PRELID2: variants seen among roughly 807,000 people sequenced by gnomAD.
PRELID2 encodes the protein PRELI domain-containing protein 2.
Under a neutral mutation model 28.4 loss-of-function variants are expected in PRELID2, and 25 were observed. The ratio of observed to expected loss-of-function variants is 0.88; its 90% CI spans 0.64 to 1.23. The LOEUF (loss-of-function observed/expected upper bound fraction) is 1.23, where lower values mean the gene tolerates loss of function less well. Ranked by LOEUF, PRELID2 falls within the 50% of genes most tolerant of loss-of-function variation. The probability of loss-of-function intolerance (pLI) is 0.00; values close to 1 mark genes in which losing one functional copy is unlikely to be tolerated. For synonymous variants in PRELID2, 76 were observed against 71.6 expected, an observed-to-expected ratio of 1.06 and a Z score of -0.31; for missense variants, 201 against 214.4, an observed-to-expected ratio of 0.94 and a Z score of 0.39.
intron 5 of PRELID2, among the ~76,000 whole-genome samples, chr5:145,777,023 T>G (rs1758451897): frequency 6.6e-6 from 1 of 152,238 alleles, no homozygotes; most frequent in Non-Finnish European, 1.5e-5. Context: ...AAAGACCAAG[T>G]GCTGTAAGCA....
chr5:145,590,135 T>G (rs895214423), intron 1 of PRELID2, among the ~76,000 whole-genome samples: 5 of 152,122 alleles, frequency 3.3e-5, no homozygotes, highest in Non-Finnish European at 5.9e-5. Context: ...CTCACTGGCT[T>G]TTTCTTATTC....
At chr5:145,795,973 T>C (rs928471422) in intron 5 of PRELID2, 3 of 152,594 alleles carry the variant, frequency 2.0e-5, no homozygotes, top group African/African-American at 7.2e-5. Flanking sequence ...GAGTGGACAA[T>C]TGGGGTCTCT....
the PRELID2 span, among the ~76,000 whole-genome samples, chr5:145,321,432 G>T: frequency 6.6e-6 from 1 of 152,152 alleles, no homozygotes; most frequent in Non-Finnish European, 1.5e-5. Context: ...GAAAGACTCT[G>T]CACATGTATC....
the PRELID2 span, among the ~76,000 whole-genome samples, chr5:145,427,371 A>G: frequency 4.0e-5 from 6 of 151,438 alleles, no homozygotes; most frequent in Admixed American, 2.0e-4. Context: ...CAGATTTAAG[A>G]CTCTCCTCTC....
downstream of PRELID2, among the ~76,000 whole-genome samples, chr5:145,752,067 A>G (rs1293279248): frequency 2.0e-5 from 3 of 152,170 alleles, no homozygotes; most frequent in Non-Finnish European, 4.4e-5. Context: ...GAGAACAAAT[A>G]CCCTGTTTTG....
chr5:145,834,625 T>TA (rs1217627227), intron 1 of PRELID2: 2 of 152,212 alleles, frequency 1.3e-5, no homozygotes, highest in East Asian at 3.9e-4. Context: ...ACAACTGTGC[T>TA]AAGCACTTTA....
downstream of PRELID2, among the ~76,000 whole-genome samples, chr5:145,467,849 T>A (rs921276273): frequency 1.3e-5 from 2 of 151,916 alleles, no homozygotes; most frequent in Non-Finnish European, 2.9e-5. Context: ...TATTTTTAAG[T>A]TATTTATTTT....
At chr5:145,404,762 T>C in the PRELID2 span, among the ~76,000 whole-genome samples, 1 of 152,188 alleles carries the variant, frequency 6.6e-6, no homozygotes, top group South Asian at 2.1e-4. Flanking sequence ...GTTTTGACTG[T>C]CTATGGTCCA....
intron 1 of PRELID2, among the ~76,000 whole-genome samples, chr5:145,488,425 C>T (rs537108506): frequency 3.9e-5 from 6 of 152,132 alleles, no homozygotes; most frequent in Non-Finnish European, 7.3e-5. Flanking sequence ...TTTTTCCCAC[C>T]GGCATAAACT....
intron 1 of PRELID2, among the ~76,000 whole-genome samples, chr5:145,744,960 CT>C (rs962807240): frequency 7.9e-5 from 12 of 152,036 alleles, no homozygotes; most frequent in Admixed American, 7.2e-4. Context: ...AGCTAAGAAC[CT>C]TGATAAAAGG....
At chr5:145,831,053 A>G (rs10038866) in intron 1 of PRELID2, among the ~76,000 whole-genome samples, 1,624 of 142,484 alleles carry the variant, frequency 0.011, 27 homozygotes, top group African/African-American at 0.048. Context: ...CTTTCCTTTG[A>G]AAAAAAAATC....
intron 1 of PRELID2, among the ~76,000 whole-genome samples, chr5:145,746,999 A>G (rs901918074): frequency 6.6e-6 from 1 of 152,216 alleles, no homozygotes; most frequent in Non-Finnish European, 1.5e-5. Context: ...ACAAAGAGAC[A>G]ATGAACCAGA....
chr5:145,640,472 T>C (rs1337132156), intron 1 of PRELID2, among the ~76,000 whole-genome samples: 4 of 103,744 alleles, frequency 3.9e-5, no homozygotes, highest in Admixed American at 1.1e-4. Context: ...CGAGACTCCG[T>C]CTCAAAAAAA....
chr5:145,259,186 C>T, the PRELID2 span, among the ~76,000 whole-genome samples: 12,516 of 152,186 alleles, frequency 0.082, 1,095 homozygotes, highest in African/African-American at 0.23. Context: ...AAGCCTGCTG[C>T]AGGAGCAGAG....
intron 4 of PRELID2, among the ~76,000 whole-genome samples, chr5:145,817,220 A>ATATATATATAT (rs1265574987): frequency 9.2e-4 from 61 of 66,500 alleles, no homozygotes; most frequent in African/African-American, 2.3e-3. Flanking sequence ...AATAAAAAAA[A>ATATATATATAT]ATATATATAT....
intron 1 of PRELID2, among the ~76,000 whole-genome samples, chr5:145,562,484 T>C (rs1001245355): frequency 6.6e-6 from 1 of 152,268 alleles, no homozygotes; most frequent in Non-Finnish European, 1.5e-5. Flanking sequence ...TCATAAAATG[T>C]GTTTGTACAT....
the PRELID2 span, among the ~76,000 whole-genome samples, chr5:145,277,296 A>G: frequency 6.6e-6 from 1 of 152,196 alleles, no homozygotes; most frequent in Non-Finnish European, 1.5e-5. Flanking sequence ...TGTATCTTTT[A>G]AAGTCTGCAT....
the PRELID2 span, among the ~76,000 whole-genome samples, chr5:145,347,035 T>C: frequency 6.6e-6 from 1 of 152,128 alleles, no homozygotes; most frequent in African/African-American, 2.4e-5. Flanking sequence ...TCTATGTGTG[T>C]ATCGGAAGGG....
intron 1 of PRELID2, among the ~76,000 whole-genome samples, chr5:145,704,675 C>G (rs1294191032): frequency 6.6e-6 from 1 of 152,172 alleles, no homozygotes; most frequent in Non-Finnish European, 1.5e-5. Flanking sequence ...TCCGCAGGAG[C>G]CATTTTTGAC....
Sources: allele counts gnomAD v4.1 joint callset (sites outside exome capture counted in the v4.1 genomes callset), GRCh38; gene constraint gnomAD v4.1.1; transcripts MANE v1.5; gene names NCBI Gene and HGNC (gene_info 2026-07-23, HGNC 2026-07-21).